Variants in ZNF76 observed in about 807,000 individuals in gnomAD.
ZNF76 encodes zinc finger protein 76.
Under a neutral mutation model 66.9 loss-of-function variants are expected in ZNF76, and 66 were observed. That is an observed-to-expected ratio of 0.99 (90% CI 0.81 to 1.21). ZNF76 has a LOEUF of 1.21. Among genes scored for constraint, ZNF76 ranks in the 50% most tolerant of loss-of-function variants. The pLI, the probability that ZNF76 is intolerant of heterozygous loss-of-function variation, is 0.00. For missense variants in ZNF76, 729 were observed against 760.3 expected (o/e 0.96, Z 0.48); for synonymous variants, 275 against 296.1 (o/e 0.93, Z 0.73).
Position 35,295,755 on chromosome 6 carries a change from A to G in ZNF76, c.*507A>G. 1 of 203,160 alleles carries G rather than the reference A, an allele frequency of 4.9e-6. No homozygotes were observed. Among genetic ancestry groups the G allele is most frequent in the Non-Finnish European group, 1.0e-5 (1 of 95,974 alleles). 12.6% of individuals were successfully genotyped at this position (203,160 alleles called of 1,614,324 possible). A position where few individuals can be genotyped will look rare whatever the true frequency, so the allele number is the denominator to read the frequency against. Reference sequence around the variant, plus strand: ...GGACTTCCTGACACCACAGTCAATTAATTCCTCAGGGGCCTGTGGCTGAAG... The same window carrying G: ...GGACTTCCTGACACCACAGTCAATTGATTCCTCAGGGGCCTGTGGCTGAAG... On this transcript the variant is annotated 3_prime_UTR_variant, in exon 14 of 14. Transcript: ENST00000373953.
chr6:35,275,294 AG>A (rs1475456218), intron 1 of ZNF76, among the ~76,000 whole-genome samples: 4 of 152,036 alleles, frequency 2.6e-5, no homozygotes. Context: ...TACACAGCTC[AG>A]GTCATTGCAG....
rs754441522 is a variant in ZNF76, at chr6:35,293,799, A to C, written c.1378A>C (p.Met460Leu). The change falls in exon 12 of 14, where the codon ATG (methionine) becomes CTG (leucine). Residue 460 changes from methionine to leucine, a missense_variant. Met to Leu is a conservative substitution (Grantham distance 15). Coordinates refer to ENST00000373953, the MANE Select transcript of ZNF76 (RefSeq NM_003427.5). ...DLQALGSAIS[M>L]VTQHGSTTLT... ...GCAGGCCCTGGGGAGTGCCATCAGT[A>C]TGGTCACCCAGCACGGCAGCACCAC... 6.2e-7 allele frequency: 1 copy of C among 1,613,886 alleles called. No homozygotes were observed. Among genetic ancestry groups the C allele is most frequent in the African/African-American group, 1.3e-5 (1 of 74,866 alleles).
At chr6:35,293,379 T>C (rs1415138441) in intron 11 of ZNF76, among the ~76,000 whole-genome samples, 2 of 152,186 alleles carry the variant, frequency 1.3e-5, no homozygotes, top group Non-Finnish European at 2.9e-5. Flanking sequence ...GTATGGGGTC[T>C]GAAAGCCTGG....
rs760109713 is a variant in ZNF76 at position 35,295,178 on chromosome 6, A to G, written c.1643A>G (p.Asn548Ser). The stretch of plus-strand genomic sequence containing the variant: ...CAGCAGACCTTAGAGGAGGCCATCA[A>G]TGTGGCCACTGCGGCCATGCAGCAA... Reference protein sequence around the residue: ...EEQQTLEEAINVATAAMQQGA... With the variant: ...EEQQTLEEAISVATAAMQQGA... Residue 548 changes from asparagine to serine, a missense_variant, in exon 14 of 14, where the codon AAT becomes AGT. Physicochemically the swap from Asn to Ser is conservative, Grantham distance 46. Transcript: ENST00000373953. 1.5e-5 allele frequency: 24 copies of G among 1,612,666 alleles called. No individual in the cohort carries two copies. In the East Asian group the frequency reaches 2.7e-4, roughly 18 times the overall value.
At chr6:35,291,429 C>A in intron 8 of ZNF76, 26 bp downstream of exon 8, 1 of 1,614,008 alleles carries the variant, frequency 6.2e-7, no homozygotes, top group East Asian at 2.2e-5. Flanking sequence ...CCCACTCCAA[C>A]CCCATTCCCT....
chr6:35,293,006 C>A lies in ZNF76; in HGVS notation c.1291C>A (p.Pro431Thr), dbSNP rs1790656265. The A allele has an allele frequency of 6.2e-7, 1 of 1,614,130 alleles. No homozygotes were observed. Among genetic ancestry groups the A allele is most frequent in the East Asian group, 2.2e-5 (1 of 44,884 alleles). The change falls in exon 11 of 14, where the codon CCC (proline) becomes ACC (threonine). Residue 431 changes from proline to threonine, a missense_variant. Coordinates refer to ENST00000373953, the MANE Select transcript of ZNF76 (RefSeq NM_003427.5). ...VAMVTEEDGA[P>T]QVALITQDGA... ...GATGGTGACTGAAGAAGATGGGGCC[C>A]CCCAGGTGGCTCTGATCACTCAGGA...
chr6:35,295,332 C>A lies in ZNF76; in HGVS notation c.*84C>A. 8.1e-7 allele frequency: 1 copy of A among 1,229,340 alleles called. No individual in the cohort carries two copies. The highest frequency in any genetic ancestry group is 1.2e-6 in the Non-Finnish European group (1 of 864,386). The allele number at this position is 1,229,340 out of a possible 1,614,324, so 76.2% of individuals were successfully genotyped here. The stretch of plus-strand genomic sequence containing the variant: ...TTGCCCCCAAGGGCCCAGGCTGTGG[C>A]TGACACATAGAAGGTGGCCACATAG... On this transcript the variant is annotated 3_prime_UTR_variant, in exon 14 of 14. Transcript: ENST00000373953.
intron 1 of ZNF76, among the ~76,000 whole-genome samples, chr6:35,268,898 C>G (rs552766909): frequency 5.9e-5 from 9 of 152,170 alleles, no homozygotes; most frequent in African/African-American, 2.2e-4. Context: ...CAACAAACTT[C>G]AAATGCCTTT....
rs554137235 is a variant in ZNF76, at chr6:35,294,543, G to A, written c.1582G>A (p.Ala528Thr). ...TCAACAGGTGGCACTGTTGGCCACAGCCAACGGAACGCACATTGCAGTGCA... is the reference window on the plus strand; with the variant it reads ...TCAACAGGTGGCACTGTTGGCCACAACCAACGGAACGCACATTGCAGTGCA... ...RHQQVALLAT[A>T]NGTHIAVQLE... The change falls in exon 13 of 14, where the codon GCC becomes ACC. Residue 528 changes from alanine (A) to threonine (T), a missense_variant. Physicochemically the swap from Ala to Thr is moderately conservative, Grantham distance 58. Transcript: ENST00000373953. 1 of 1,613,960 alleles carries A rather than the reference G, an allele frequency of 6.2e-7. No individual in the cohort carries two copies. Among genetic ancestry groups the A allele is most frequent in the East Asian group, 2.2e-5 (1 of 44,876 alleles).
chr6:35,281,899 G>A (rs1398340172), intron 2 of ZNF76, among the ~76,000 whole-genome samples: 1 of 149,398 alleles, frequency 6.7e-6, no homozygotes, highest in Non-Finnish European at 1.5e-5. Flanking sequence ...CTGCACCACT[G>A]CACACCAGCC....
chr6:35,282,076 A>G (rs777659357), intron 2 of ZNF76, among the ~76,000 whole-genome samples: 3 of 152,212 alleles, frequency 2.0e-5, no homozygotes, highest in African/African-American at 4.8e-5. Flanking sequence ...GGACGTAACA[A>G]TGAATACTCT....
intron 1 of ZNF76, among the ~76,000 whole-genome samples, chr6:35,272,507 G>GTGTGTA (rs1431766878): frequency 3.1e-5 from 3 of 97,952 alleles, no homozygotes; most frequent in Admixed American, 1.1e-4. Context: ...GTGTGTGTGT[G>GTGTGTA]TGTGTATGTA....
chr6:35,262,656 C>T (rs1785424120), intron 1 of ZNF76, among the ~76,000 whole-genome samples: 1 of 152,180 alleles, frequency 6.6e-6, no homozygotes, highest in African/African-American at 2.4e-5. Context: ...GTTCTACTCC[C>T]ACCACCCCAC....
Position 35,295,439 on chromosome 6 carries a change from G to A in ZNF76, c.*191G>A. 1.6e-6 allele frequency: 1 copy of A among 633,840 alleles called. No homozygotes were observed. The highest frequency in any genetic ancestry group is 2.9e-6 in the Non-Finnish European group (1 of 345,152). The allele number at this position is 633,840 out of a possible 1,614,324, so 39.3% of individuals were successfully genotyped here. ...TGCTCAAGAAGGGGGCCAGGCAGCTGGAATCAGGGGAGTGCATCATCCTCG... is the reference window on the plus strand; with the variant it reads ...TGCTCAAGAAGGGGGCCAGGCAGCTAGAATCAGGGGAGTGCATCATCCTCG... On this transcript the variant is annotated 3_prime_UTR_variant, in exon 14 of 14. Coordinates refer to ENST00000373953, the MANE Select transcript of ZNF76 (RefSeq NM_003427.5).
intron 1 of ZNF76, among the ~76,000 whole-genome samples, chr6:35,266,159 A>ATT (rs35775558): frequency 0.15 from 22,125 of 148,012 alleles, 1,676 homozygotes; most frequent in East Asian, 0.27. Context: ...GGTGGCTACA[A>ATT]TTTTTTTTTT....
intron 2 of ZNF76, among the ~76,000 whole-genome samples, chr6:35,284,366 T>G (rs1004356927): frequency 3.9e-5 from 6 of 151,944 alleles, no homozygotes; most frequent in African/African-American, 1.2e-4. Flanking sequence ...AGTGCTGGGA[T>G]TATAAGTGTG....
rs921660943 is a variant in ZNF76, at chr6:35,286,044, A to C, written c.74-84A>C. On this transcript the variant is annotated intron_variant, in intron 2 of 13. Coordinates refer to ENST00000373953, the MANE Select transcript of ZNF76 (RefSeq NM_003427.5). ...CTGCAGGCTCGTGCCTAGAGACTCA[A>C]ATAAGCCTCAGCTAAAAACAGGCAG... The C allele has an allele frequency of 8.4e-6, 11 of 1,310,928 alleles. No homozygotes were observed. The African/African-American group carries it at 1.6e-4, about 19-fold the overall frequency. 81.2% of individuals were successfully genotyped at this position (1,310,928 alleles called of 1,614,324 possible).
intron 1 of ZNF76, among the ~76,000 whole-genome samples, chr6:35,263,070 A>G (rs1202479877): frequency 6.6e-6 from 1 of 152,172 alleles, no homozygotes; most frequent in Non-Finnish European, 1.5e-5. Flanking sequence ...CTCCAGGGCC[A>G]TGCGTATGCC....
intron 1 of ZNF76, among the ~76,000 whole-genome samples, chr6:35,267,007 A>C (rs185202989): frequency 6.6e-6 from 1 of 151,294 alleles, no homozygotes; most frequent in Non-Finnish European, 1.5e-5. Flanking sequence ...CACCGTGTTA[A>C]CCAGGATGGT....
Sources: allele counts gnomAD v4.1 joint callset (sites outside exome capture counted in the v4.1 genomes callset), GRCh38; gene constraint gnomAD v4.1.1; transcripts MANE v1.5; gene names NCBI Gene and HGNC (gene_info 2026-07-23, HGNC 2026-07-21).